Variants in ANKRD11 observed in about 807,000 individuals in gnomAD.
ANKRD11 encodes ankyrin repeat domain 11, also known as ankyrin repeat domain-containing protein 11.
In ANKRD11, 17 loss-of-function variants were observed where a neutral mutation model predicts 195.7. That is an observed-to-expected ratio of 0.09 (90% CI 0.06 to 0.13). The LOEUF (loss-of-function observed/expected upper bound fraction) is 0.13, where lower values mean the gene tolerates loss of function less well. Ranked by LOEUF, ANKRD11 falls within the 10% of genes least tolerant of loss-of-function variation. The pLI is 1.00. For missense variants in ANKRD11, 3,735 were observed against 3,566.1 expected, an observed-to-expected ratio of 1.05 and a Z score of -1.21; for synonymous variants, 1,953 against 1,528.1, an observed-to-expected ratio of 1.28 and a Z score of -6.49.
At chr16:89,363,158 G>T (rs1286160584) in intron 2 of ANKRD11, among the ~76,000 whole-genome samples, 2 of 152,062 alleles carry the variant, frequency 1.3e-5, no homozygotes, top group Admixed American at 1.3e-4. Context: ...CTGGGAACAC[G>T]CCTATCCCTG....
intron 12 of ANKRD11, chr16:89,270,481 C>A: frequency 2.5e-6 from 1 of 403,436 alleles, no homozygotes; most frequent in Non-Finnish European, 4.7e-6. Flanking sequence ...CCAGCACTTC[C>A]AGAGCAGTGG....
chr16:89,286,690 C>G, intron 7 of ANKRD11: 1 of 1,247,104 alleles, frequency 8.0e-7, no homozygotes, highest in Non-Finnish European at 1.0e-6. Context: ...TTTTTATTTT[C>G]ATTTACATTA....
chr16:89,351,446 C>A (rs2152030847), intron 2 of ANKRD11, among the ~76,000 whole-genome samples: 1 of 152,336 alleles, frequency 6.6e-6, no homozygotes, highest in South Asian at 2.1e-4. Flanking sequence ...TCACTCCAGG[C>A]ATTCATTACC....
At chr16:89,299,644 T>C (rs1203996252) in intron 4 of ANKRD11, 1 of 163,954 alleles carries the variant, frequency 6.1e-6, no homozygotes, top group African/African-American at 3.5e-5. Context: ...GTGCCCTGTG[T>C]GAGGTGCCTG....
At chr16:89,363,242 T>C (rs1394252825) in intron 2 of ANKRD11, among the ~76,000 whole-genome samples, 2 of 152,190 alleles carry the variant, frequency 1.3e-5, no homozygotes, top group African/African-American at 4.8e-5. Flanking sequence ...TTAAAATTTT[T>C]TCCTATACTC....
chr16:89,417,701 G>C (rs1219223102), intron 2 of ANKRD11, among the ~76,000 whole-genome samples: 1 of 152,134 alleles, frequency 6.6e-6, no homozygotes, highest in Non-Finnish European at 1.5e-5. Context: ...AGCCCGGCGA[G>C]ACCACCAGGA....
At chr16:89,458,636 C>G (rs887241538) in intron 1 of ANKRD11, among the ~76,000 whole-genome samples, 5 of 152,242 alleles carry the variant, frequency 3.3e-5, no homozygotes, top group Non-Finnish European at 5.9e-5. Flanking sequence ...CTGGCAAGTT[C>G]AGACATGTTC....
intron 1 of ANKRD11, among the ~76,000 whole-genome samples, chr16:89,467,215 T>G (rs1567845716): frequency 6.6e-6 from 1 of 152,052 alleles, no homozygotes; most frequent in Non-Finnish European, 1.5e-5. Context: ...GTGGATCGCT[T>G]GAGCCCAGGA....
rs990451518 is a variant in ANKRD11 at position 89,397,577 on chromosome 16, G to A, written c.-60+20707C>T. ...CAGCCAAGTGGATCCCTGGCTGCAG[G>A]ACAAAGGTGTGCATGGCAAGGGGCC... On this transcript the variant is annotated intron_variant, in intron 2 of 12. Transcript: ENST00000301030. 4.6e-5 allele frequency among the ~76,000 whole-genome samples: 7 copies of A among 152,228 alleles called. No individual in the cohort carries two copies. The South Asian group carries it at 1.4e-3, about 31-fold the overall frequency.
rs757870881 is a variant in ANKRD11 at position 89,283,537 on chromosome 16, C to T, written c.3005G>A (p.Arg1002Gln). ...CTCCTTCTCTCGTGCTGGGTGGTGC[C>T]GTTCCCACGGCTCCAGGCCCTTCCC... ...DFGKGLEPWE[R>Q]HHPAREKEKK... Residue 1002 changes from arginine to glutamine, a missense_variant, in exon 9 of 13, where the codon CGG (arginine) becomes CAG (glutamine). By Grantham distance (43) the Arg-to-Gln change is conservative. Coordinates refer to ENST00000301030, the MANE Select transcript of ANKRD11 (RefSeq NM_013275.6). The surrounding 1 kb of genome is among the most constrained non-coding windows in gnomAD (Gnocchi z 4.3). 5.8e-5 allele frequency: 93 copies of T among 1,612,912 alleles called. No homozygotes were observed. The highest frequency in any genetic ancestry group is 3.3e-5 in the South Asian group (3 of 91,084).
chr16:89,342,996 C>A (rs1478645154), intron 2 of ANKRD11, among the ~76,000 whole-genome samples: 5 of 152,154 alleles, frequency 3.3e-5, no homozygotes, highest in South Asian at 2.1e-4. Context: ...ACTATGTACT[C>A]ATGTCTGTTT....
chr16:89,341,105 T>G (rs1478630785), intron 2 of ANKRD11, among the ~76,000 whole-genome samples: 1 of 152,212 alleles, frequency 6.6e-6, no homozygotes, highest in Admixed American at 6.5e-5. Context: ...TCATGTGGAC[T>G]GTTTATATGC....
chr16:89,483,011 A>C (rs1477610960), intron 1 of ANKRD11, among the ~76,000 whole-genome samples: 2 of 152,130 alleles, frequency 1.3e-5, no homozygotes, highest in African/African-American at 2.4e-5. Context: ...TAAAACAATA[A>C]ATCTAAGGTT....
intron 2 of ANKRD11, among the ~76,000 whole-genome samples, chr16:89,391,624 G>C (rs2041204689): frequency 6.6e-6 from 1 of 152,152 alleles, no homozygotes; most frequent in South Asian, 2.1e-4. Flanking sequence ...ATGAAGTCAA[G>C]CTACACAGAC....
rs1567593338 is a variant in ANKRD11, at chr16:89,291,115, C to T, written c.295G>A (p.Gly99Ser). The T allele has an allele frequency of 1.2e-6, 2 of 1,613,864 alleles. No homozygotes were observed. The highest frequency in any genetic ancestry group is 1.7e-5 in the Admixed American group (1 of 60,006). Residue 99 changes from glycine to serine, a missense_variant, in exon 5 of 13, where the codon GGC becomes AGC. Transcript: ENST00000301030. The surrounding 1 kb of genome is among the most constrained non-coding windows in gnomAD (Gnocchi z 5.3). Reference sequence around the variant, plus strand: ...GCTCGGATTCCAGACAGCCCCATGCCAAACAGCAGCCCGGCCTTCCGGGTG... The same window carrying T: ...GCTCGGATTCCAGACAGCCCCATGCTAAACAGCAGCCCGGCCTTCCGGGTG... ...PVTRKAGLLF[G>S]MGLSGIRAGY...
intron 1 of ANKRD11, among the ~76,000 whole-genome samples, chr16:89,484,461 C>T (rs2057541639): frequency 6.6e-6 from 1 of 152,164 alleles, no homozygotes; most frequent in African/African-American, 2.4e-5. Flanking sequence ...CTAATCCTAA[C>T]TCTAGTAAAA....
rs2035066652 is a variant in ANKRD11, at chr16:89,291,552, T to C, written c.227-369A>G. 1 of 733,344 alleles carries C rather than the reference T, an allele frequency of 1.4e-6. No individual in the cohort carries two copies. Among genetic ancestry groups the C allele is most frequent in the Admixed American group, 2.3e-5 (1 of 43,720 alleles). 45.4% of individuals were successfully genotyped at this position (733,344 alleles called of 1,614,324 possible). ...TGACCTGGCTCACACAGGACAGGTC[T>C]CTGTTCAATACACGTGTCTGTAATT... On this transcript the variant is annotated intron_variant, in intron 4 of 12. Transcript: ENST00000301030. The surrounding 1 kb of genome is among the most constrained non-coding windows in gnomAD (Gnocchi z 5.3).
chr16:89,300,798 G>C, intron 4 of ANKRD11: 1 of 693,020 alleles, frequency 1.4e-6, no homozygotes, highest in South Asian at 1.5e-5. Context: ...CCAGGCACCA[G>C]AGACCAGGGT....
At chr16:89,401,915 C>G (rs574285272) in intron 2 of ANKRD11, among the ~76,000 whole-genome samples, 11 of 152,098 alleles carry the variant, frequency 7.2e-5, no homozygotes, top group African/African-American at 2.7e-4. Flanking sequence ...CCCCCAGAAC[C>G]TGGAGAGAGG....
Sources: gnomAD v4.1 joint callset for allele counts (sites outside exome capture counted in the v4.1 genomes callset) on GRCh38, gnomAD v4.1.1 for gene constraint, Gnocchi (gnomAD v3.1) non-coding constraint, MANE v1.5 for transcripts, NCBI Gene and HGNC (gene_info 2026-07-23, HGNC 2026-07-21) for gene names.